RYR2: variants seen among roughly 807,000 people sequenced by gnomAD.
The protein encoded by RYR2 is ryanodine receptor 2.
RYR2 carries 227 observed loss-of-function variants against 601.1 expected under a neutral mutation model. The ratio of observed to expected loss-of-function variants is 0.38; its 90% CI spans 0.34 to 0.42. RYR2 has a LOEUF of 0.42. Among genes scored for constraint, RYR2 ranks in the 10% least tolerant of loss-of-function variants. The pLI, the probability that RYR2 is intolerant of heterozygous loss-of-function variation, is 1.00. For synonymous variants in RYR2, 2,223 were observed against 2,175.1 expected (o/e 1.02, Z -0.61); for missense variants, 4,646 against 6,156.5 (o/e 0.75, Z 8.21).
In RYR2 at chr1:237,089,856, G is replaced by T. The variant is rs539029030; in HGVS notation, c.48+47287G>T. On this transcript the variant is annotated intron_variant, in intron 1 of 104. Transcript: ENST00000366574. Reference sequence around the variant, plus strand: ...ATAGTCTGCAGAGATGAGTTTATAAGGCTGGTGTGGTCGGCTGAATAAGGG... The same window carrying T: ...ATAGTCTGCAGAGATGAGTTTATAATGCTGGTGTGGTCGGCTGAATAAGGG... Among the ~76,000 whole-genome samples the T allele has an allele frequency of 6.6e-5, 10 of 152,286 alleles. No homozygotes were observed. The East Asian group carries it at 1.7e-3, about 26-fold the overall frequency.
Position 237,108,374 on chromosome 1 carries a change from T to C in RYR2, c.48+65805T>C, listed in dbSNP as rs542477460. Among the ~76,000 whole-genome samples, 6 of 152,308 alleles carry C rather than the reference T, an allele frequency of 3.9e-5. No individual in the cohort carries two copies. The South Asian group carries it at 1.0e-3, about 26-fold the overall frequency. ...CAAATGAGAGGTCAAAATGTCCTCA[T>C]AGAGGCTTGGCTGGAGGATGCTGCG... On this transcript the variant is annotated intron_variant, in intron 1 of 104. Coordinates refer to ENST00000366574, the MANE Select transcript of RYR2 (RefSeq NM_001035.3).
intron 10 of RYR2, among the ~76,000 whole-genome samples, chr1:237,413,689 T>C (rs1195144344): frequency 6.6e-6 from 1 of 152,118 alleles, no homozygotes; most frequent in Non-Finnish European, 1.5e-5. Context: ...ACATATATGA[T>C]AGATTTTTAG....
intron 2 of RYR2, among the ~76,000 whole-genome samples, chr1:237,304,421 A>G (rs1693671614): frequency 6.6e-6 from 1 of 152,262 alleles, no homozygotes; most frequent in South Asian, 2.1e-4. Flanking sequence ...AGAAAGAGCT[A>G]CACAAATGTA....
At chr1:237,768,770 T>G (rs959800743) in intron 84 of RYR2, among the ~76,000 whole-genome samples, 2 of 152,176 alleles carry the variant, frequency 1.3e-5, no homozygotes, top group Admixed American at 1.3e-4. Context: ...AGCATTTTAA[T>G]CAGATAGGAA....
rs145849783 is a variant in RYR2, at chr1:237,528,177, A to G, written c.2823-2250A>G. On this transcript the variant is annotated intron_variant, in intron 24 of 104. Coordinates refer to ENST00000366574, the MANE Select transcript of RYR2 (RefSeq NM_001035.3). ...TTAAGTGAAAAGGTGAATATTCTCA[A>G]CTTAATAAGGGAAGAAAAATACTGT... Among the ~76,000 whole-genome samples the G allele has an allele frequency of 8.5e-3, 1,297 of 152,306 alleles. 18 individuals carry two copies. Among genetic ancestry groups the G allele is most frequent in the African/African-American group, 0.029 (1,222 of 41,556 alleles).
At chr1:237,668,022 G>A in intron 58 of RYR2, 64 bp downstream of exon 58, 1 of 1,278,082 alleles carries the variant, frequency 7.8e-7, no homozygotes, top group South Asian at 1.4e-5. Context: ...GTGTATGGAT[G>A]AAGTCGTCTT....
chr1:237,569,292 G>A lies in RYR2; in HGVS notation c.3571G>A (p.Ala1191Thr). The A allele has an allele frequency of 6.2e-7, 1 of 1,613,792 alleles. No homozygotes were observed. Among genetic ancestry groups the A allele is most frequent in the Non-Finnish European group, 8.5e-7 (1 of 1,179,816 alleles). ...ILLDDSGSELAFKDFDVGDGF... is the reference protein window; with the variant it reads ...ILLDDSGSELTFKDFDVGDGF... ...TCTTGATGATTCAGGCTCAGAACTG[G>A]CTTTCAAGGACTTTGATGTTGGCGA... Residue 1191 changes from alanine (A) to threonine (T), a missense_variant, in exon 29 of 105, where the codon GCT (alanine) becomes ACT (threonine). This residue lies in a region of RYR2 where 1,807 missense variants were observed against 2,088.1 expected (regional missense o/e 0.87). Coordinates refer to ENST00000366574, the MANE Select transcript of RYR2 (RefSeq NM_001035.3).
chr1:237,172,033 A>G (rs1677461428), intron 1 of RYR2, among the ~76,000 whole-genome samples: 1 of 152,204 alleles, frequency 6.6e-6, no homozygotes, highest in South Asian at 2.1e-4. Flanking sequence ...TGCCCTTACA[A>G]ATATGCATAT....
intron 12 of RYR2, among the ~76,000 whole-genome samples, chr1:237,434,663 T>C (rs988149909): frequency 6.6e-6 from 1 of 152,194 alleles, no homozygotes; most frequent in African/African-American, 2.4e-5. Flanking sequence ...TTTCCTCTGG[T>C]TTTTCCTCCC....
At chr1:237,220,376 G>T (rs1046476403) in intron 1 of RYR2, among the ~76,000 whole-genome samples, 2 of 152,158 alleles carry the variant, frequency 1.3e-5, no homozygotes, top group African/African-American at 2.4e-5. Flanking sequence ...CCTCCTGGGG[G>T]CTCTCAGGCC....
intron 34 of RYR2, among the ~76,000 whole-genome samples, 171 bp downstream of exon 34, chr1:237,595,828 C>T (rs938116870): frequency 6.6e-6 from 1 of 152,110 alleles, no homozygotes. Flanking sequence ...CATAGCTGTC[C>T]CAGCCACTGC....
intron 1 of RYR2, among the ~76,000 whole-genome samples, chr1:237,139,115 G>A (rs756398712): frequency 7.9e-5 from 12 of 152,162 alleles, no homozygotes; most frequent in African/African-American, 1.2e-4. Flanking sequence ...GCCAAAAAGT[G>A]AAAACAACTC....
chr1:237,115,567 C>G (rs1280476110), intron 1 of RYR2, among the ~76,000 whole-genome samples: 5 of 152,068 alleles, frequency 3.3e-5, no homozygotes, highest in African/African-American at 1.2e-4. Context: ...ACATGTTCTC[C>G]TTGTTGGAAA....
intron 24 of RYR2, among the ~76,000 whole-genome samples, chr1:237,518,927 TTTTG>T (rs927504137): frequency 8.9e-4 from 135 of 152,296 alleles, no homozygotes; most frequent in Admixed American, 2.6e-4. Context: ...ACATCTGTTT[TTTTG>T]TTTGTTTGTT....
intron 71 of RYR2, among the ~76,000 whole-genome samples, chr1:237,714,668 C>T (rs1423270690): frequency 6.6e-6 from 1 of 151,966 alleles, no homozygotes; most frequent in East Asian, 1.9e-4. Flanking sequence ...GAGGCAGAAG[C>T]AGAGGTTGAT....
chr1:237,781,163 C>T (rs752478828), intron 88 of RYR2, among the ~76,000 whole-genome samples: 1 of 152,156 alleles, frequency 6.6e-6, no homozygotes, highest in Non-Finnish European at 1.5e-5. Flanking sequence ...ATTCTTGTGC[C>T]TCAGCCTCCT....
intron 1 of RYR2, among the ~76,000 whole-genome samples, chr1:237,046,315 T>C (rs988668983): frequency 8.5e-5 from 13 of 152,174 alleles, no homozygotes; most frequent in African/African-American, 2.9e-4. Context: ...CTTAGGCTAA[T>C]AGTGTTCTTT....
At chr1:237,547,439 A>G (rs1669945909) in intron 25 of RYR2, among the ~76,000 whole-genome samples, 1 of 152,230 alleles carries the variant, frequency 6.6e-6, no homozygotes, top group South Asian at 2.1e-4. Flanking sequence ...AATGAAATTA[A>G]TTATTTCAAC....
At chr1:237,332,360 A>G (rs1196196191) in intron 3 of RYR2, among the ~76,000 whole-genome samples, 2 of 152,140 alleles carry the variant, frequency 1.3e-5, no homozygotes, top group Admixed American at 6.5e-5. Context: ...CTAGAAGCTT[A>G]TTTTACAAAA....
Sources: gnomAD v4.1 joint callset for allele counts (sites outside exome capture counted in the v4.1 genomes callset) on GRCh38, gnomAD v4.1.1 for gene constraint, gnomAD v4.1.1 regional missense constraint, MANE v1.5 for transcripts, NCBI Gene and HGNC (gene_info 2026-07-23, HGNC 2026-07-21) for gene names.